The following VPS37A variants were observed in gnomAD, a reference collection of about 807,000 sequenced individuals.
VPS37A encodes VPS37A subunit of ESCRT-I, also known as vacuolar protein sorting-associated protein 37A.
Under a neutral mutation model 49.8 loss-of-function variants are expected in VPS37A, and 30 were observed. The ratio of observed to expected loss-of-function variants is 0.60; its 90% confidence interval spans 0.45 to 0.82. The LOEUF is 0.82. VPS37A is among the 40% of genes least tolerant of loss of function. The pLI is 0.00. For missense variants in VPS37A, 593 were observed against 464.4 expected, an observed-to-expected ratio of 1.28 and a Z score of -2.55; for synonymous variants, 195 against 160.6, an observed-to-expected ratio of 1.21 and a Z score of -1.62.
At chr8:17,321,535 G>T in the VPS37A span, among the ~76,000 whole-genome samples, 2 of 152,230 alleles carry the variant, frequency 1.3e-5, no homozygotes, top group Non-Finnish European at 2.9e-5. Context: ...GAGGTCTGCA[G>T]ATGATTAATA....
At chr8:17,313,989 T>G in the VPS37A span, among the ~76,000 whole-genome samples, 1 of 152,172 alleles carries the variant, frequency 6.6e-6, no homozygotes, top group Admixed American at 6.5e-5. Flanking sequence ...TTCTAGAGCA[T>G]CAGGGTAGAG....
rs1295695404 is a variant in VPS37A, at chr8:17,287,526, AT to A, written c.*1100del. Among the ~76,000 whole-genome samples the A allele has an allele frequency of 2.6e-5, 4 of 152,108 alleles. 1 individual carries two copies. In the Middle Eastern group the frequency reaches 0.01, roughly 388 times the overall value. On this transcript the variant is annotated intron_variant, in intron 11 of 11. Coordinates refer to ENST00000324849, the MANE Select transcript of VPS37A (RefSeq NM_152415.3). Reference sequence around the variant, plus strand: ...CGTCTCTACTAAAAATACAAAAAAAATATTAGCCGGGCATGGTGGCAGGCAC... The same window carrying A: ...CGTCTCTACTAAAAATACAAAAAAAAATTAGCCGGGCATGGTGGCAGGCAC...
At chr8:17,304,384 C>T (rs373437625), downstream of VPS37A, 2 of 1,611,800 alleles carry the variant, frequency 1.2e-6, no homozygotes, top group East Asian at 2.2e-5. Context: ...CATACTTGTA[C>T]ATGAAGTTAC....
At chr8:17,281,079 A>G (rs1386326963) in intron 9 of VPS37A, among the ~76,000 whole-genome samples, 1 of 151,980 alleles carries the variant, frequency 6.6e-6, no homozygotes, top group East Asian at 1.9e-4. Context: ...AACAGCAAAA[A>G]AGATGGTAAA....
intron 3 of VPS37A, among the ~76,000 whole-genome samples, chr8:17,268,587 T>G (rs1202051031): frequency 6.6e-6 from 1 of 152,210 alleles, no homozygotes; most frequent in East Asian, 1.9e-4. Context: ...TATTTACCTT[T>G]GAACCCTCAA....
At chr8:17,306,694 C>CA (rs1467179711), downstream of VPS37A, among the ~76,000 whole-genome samples, 3 of 152,114 alleles carry the variant, frequency 2.0e-5, no homozygotes, top group African/African-American at 7.2e-5. Flanking sequence ...AAGAGATCAT[C>CA]ACCTTGAGGA....
intron 1 of VPS37A, among the ~76,000 whole-genome samples, chr8:17,253,061 C>A (rs1386203234): frequency 6.6e-6 from 1 of 152,158 alleles, no homozygotes; most frequent in Non-Finnish European, 1.5e-5. Flanking sequence ...TAAGAAATAT[C>A]ATACAGCTCA....
At chr8:17,281,160 A>G (rs11994010) in intron 9 of VPS37A, among the ~76,000 whole-genome samples, 36,531 of 151,912 alleles carry the variant, frequency 0.24, 4,920 homozygotes, top group Non-Finnish European at 0.3. Flanking sequence ...AATAGCTAAC[A>G]TTGAGCAATT....
intron 1 of VPS37A, among the ~76,000 whole-genome samples, chr8:17,264,897 G>T (rs1740727124): frequency 6.6e-6 from 1 of 152,092 alleles, no homozygotes; most frequent in South Asian, 2.1e-4. Flanking sequence ...TATTATAGTT[G>T]TAATAATATA....
the VPS37A span, among the ~76,000 whole-genome samples, chr8:17,316,002 C>T: frequency 6.6e-6 from 1 of 152,112 alleles, no homozygotes; most frequent in Non-Finnish European, 1.5e-5. Context: ...GATGACAGAG[C>T]CAGATCCTAT....
intron 1 of VPS37A, among the ~76,000 whole-genome samples, chr8:17,256,290 AT>A (rs529736602): frequency 3.4e-3 from 203 of 60,394 alleles, no homozygotes; most frequent in Non-Finnish European, 4.1e-3. Flanking sequence ...GGGTAAAATG[AT>A]TTTTTTTTTT....
At chr8:17,253,489 T>A (rs1446215206) in intron 1 of VPS37A, among the ~76,000 whole-genome samples, 1 of 152,214 alleles carries the variant, frequency 6.6e-6, no homozygotes, top group African/African-American at 2.4e-5. Context: ...GGTGGAAAGA[T>A]ATCAACAAAC....
intron 11 of VPS37A, among the ~76,000 whole-genome samples, chr8:17,291,412 C>G (rs1234806624): frequency 6.7e-6 from 1 of 150,048 alleles, no homozygotes; most frequent in Admixed American, 6.6e-5. Flanking sequence ...CTTTTCAAAA[C>G]AGCTGCTGGA....
chr8:17,320,129 TATAA>T, the VPS37A span, among the ~76,000 whole-genome samples: 3 of 151,928 alleles, frequency 2.0e-5, no homozygotes, highest in East Asian at 3.9e-4. Flanking sequence ...AAATTAATAA[TATAA>T]ATATATATAT....
the VPS37A span, among the ~76,000 whole-genome samples, chr8:17,331,644 G>A: frequency 6.6e-6 from 1 of 152,184 alleles, no homozygotes; most frequent in Admixed American, 6.5e-5. Flanking sequence ...CCGGTAGGTT[G>A]GCAGAAGAAT....
downstream of VPS37A, chr8:17,306,073 A>T: frequency 4.9e-6 from 4 of 815,032 alleles, no homozygotes; most frequent in Non-Finnish European, 7.5e-6. Context: ...CTTATCTTAC[A>T]AACTTGGAAT....
chr8:17,276,539 A>G (rs2150394841), intron 6 of VPS37A, 72 bp downstream of exon 6: 2 of 1,397,068 alleles, frequency 1.4e-6, no homozygotes, highest in East Asian at 2.4e-5. Flanking sequence ...ATTATTTCAT[A>G]TCCATATAAA....
chr8:17,297,604 T>TATTA lies in VPS37A; in HGVS notation c.*2619_*2622dup. On this transcript the variant is annotated 3_prime_UTR_variant, in exon 12 of 12. Coordinates refer to ENST00000324849, the MANE Select transcript of VPS37A (RefSeq NM_152415.3). ...AAAAATAAATTACTTGCATTCTATA[T>TATTA]ATTACTAATTGGGAAGTAATATGCC... 1 of 152,198 alleles carries TATTA rather than the reference T, an allele frequency of 6.6e-6. No homozygotes were observed. 9.4% of individuals were successfully genotyped at this position (152,198 alleles called of 1,614,324 possible).
intron 11 of VPS37A, among the ~76,000 whole-genome samples, chr8:17,287,480 CT>C (rs1424542361): frequency 6.6e-6 from 1 of 151,994 alleles, no homozygotes; most frequent in Non-Finnish European, 1.5e-5. Context: ...CGAGACCATT[CT>C]GGCTAACACA....
Sources: gnomAD v4.1 joint callset for allele counts (sites outside exome capture counted in the v4.1 genomes callset) on GRCh38, gnomAD v4.1.1 for gene constraint, MANE v1.5 for transcripts, NCBI Gene and HGNC (gene_info 2026-07-23, HGNC 2026-07-21) for gene names.